Variants in UBE2K observed in about 807,000 individuals in gnomAD.
UBE2K encodes ubiquitin conjugating enzyme E2 K.
In UBE2K, 6 loss-of-function variants were observed where a neutral mutation model predicts 30.0. The observed-to-expected ratio is 0.20, with a 90% CI of 0.11 to 0.39. The LOEUF (loss-of-function observed/expected upper bound fraction) is 0.39. Among genes scored for constraint, UBE2K ranks in the 10% least tolerant of loss-of-function variants. The pLI, the probability that UBE2K is intolerant of heterozygous loss-of-function variation, is 1.00. For missense variants in UBE2K, 61 were observed against 241.6 expected (o/e 0.25, Z 4.96); for synonymous variants, 86 against 83.7 (o/e 1.03, Z -0.15).
At chr4:39,766,054 T>C (rs368064524) in intron 4 of UBE2K, among the ~76,000 whole-genome samples, 88 of 152,332 alleles carry the variant, frequency 5.8e-4, no homozygotes, top group African/African-American at 1.9e-3. Context: ...AATAATATTG[T>C]TATGAACATT....
chr4:39,732,189 G>A lies in UBE2K; in HGVS notation c.64-5231G>A, dbSNP rs78590966. The stretch of plus-strand genomic sequence containing the variant: ...TACTTTATTCGTTAAATTCACCAGC[G>A]AACCCTATGAGGAACTATCTTATCC... On this transcript the variant is annotated intron_variant, in intron 1 of 6. Transcript: ENST00000261427. Among the ~76,000 whole-genome samples the A allele has an allele frequency of 5.3e-3, 802 of 152,238 alleles. 4 individuals carry two copies. Among genetic ancestry groups the A allele is most frequent in the Middle Eastern group, 0.024 (7 of 294 alleles).
rs529891669 is a variant in UBE2K at position 39,706,312 on chromosome 4, G to T, written c.63+7922G>T. ...ATTACAGGTGTGAACCACCCTGTCC[G>T]GCCACAATACCCAGCTAATTTTTGT... On this transcript the variant is annotated intron_variant, in intron 1 of 6. Transcript: ENST00000261427. Among the ~76,000 whole-genome samples, 3 of 151,892 alleles carry T rather than the reference G, an allele frequency of 2.0e-5. No individual in the cohort carries two copies. In the South Asian group the frequency reaches 6.2e-4, roughly 32 times the overall value.
rs975558014 is a variant in UBE2K at position 39,771,390 on chromosome 4, C to T, written c.300-3444C>T. 5.0e-6 allele frequency: 8 copies of T among 1,611,890 alleles called. No homozygotes were observed. The Admixed American group carries it at 1.3e-4, about 27-fold the overall frequency. ...TGTTCATGTTCCGTAGCGTAGCGGCCTAGTGGCCGGGCAGCTGGAAGCGCA... is the reference window on the plus strand; with the variant it reads ...TGTTCATGTTCCGTAGCGTAGCGGCTTAGTGGCCGGGCAGCTGGAAGCGCA... On this transcript the variant is annotated intron_variant, in intron 4 of 6. Coordinates refer to ENST00000261427, the MANE Select transcript of UBE2K (RefSeq NM_005339.5).
At chr4:39,730,814 T>C (rs1160100804) in intron 1 of UBE2K, among the ~76,000 whole-genome samples, 4 of 142,826 alleles carry the variant, frequency 2.8e-5, no homozygotes, top group African/African-American at 5.1e-5. Context: ...TAGCTTCTTT[T>C]TTTTTTTTTT....
intron 1 of UBE2K, among the ~76,000 whole-genome samples, chr4:39,705,412 T>G (rs1016145329): frequency 4.0e-5 from 6 of 151,192 alleles, no homozygotes; most frequent in Non-Finnish European, 8.9e-5. Context: ...TTGGCCAGGC[T>G]GGTCTCGAAC....
intron 1 of UBE2K, among the ~76,000 whole-genome samples, chr4:39,711,307 C>T (rs531613937): frequency 4.6e-5 from 7 of 150,968 alleles, no homozygotes; most frequent in Non-Finnish European, 5.9e-5. Flanking sequence ...GGACTACAGG[C>T]GCCCGCCACC....
At chr4:39,765,938 T>TACATAC (rs1258930076) in intron 4 of UBE2K, among the ~76,000 whole-genome samples, 2 of 149,384 alleles carry the variant, frequency 1.3e-5, no homozygotes, top group African/African-American at 2.5e-5. Context: ...CATACATACA[T>TACATAC]ACACACACAC....
chr4:39,702,160 A>G (rs887091011), intron 1 of UBE2K, among the ~76,000 whole-genome samples: 2 of 150,784 alleles, frequency 1.3e-5, no homozygotes, highest in South Asian at 2.1e-4. Context: ...GTCTTATGCT[A>G]TATGGCACCT....
intron 1 of UBE2K, among the ~76,000 whole-genome samples, chr4:39,735,442 G>C (rs1340558188): frequency 6.6e-6 from 1 of 152,090 alleles, no homozygotes; most frequent in Non-Finnish European, 1.5e-5. Context: ...GTGCAGTGGC[G>C]TGATCTCGGC....
chr4:39,750,573 T>C (rs1721205017), intron 3 of UBE2K, among the ~76,000 whole-genome samples: 1 of 152,194 alleles, frequency 6.6e-6, no homozygotes, highest in Admixed American at 6.5e-5. Context: ...ATTATATTCT[T>C]AATAGATACA....
rs200755048 is a variant in UBE2K, at chr4:39,708,921, CTT to C, written c.63+10545_63+10546del. 7.6e-3 allele frequency among the ~76,000 whole-genome samples: 1,049 copies of C among 138,164 alleles called. 13 individuals are homozygous for C. Among genetic ancestry groups the C allele is most frequent in the African/African-American group, 0.026 (980 of 38,264 alleles). The allele number at this position is 138,164 out of a possible 152,430, so 90.6% of individuals were successfully genotyped here. A position where few individuals can be genotyped will look rare whatever the true frequency, so the allele number is the denominator to read the frequency against. ...GATAACAATGCAGTATTATTTGTGT[CTT>C]TTTTTTTTTTTTTCCTCTTAGTATG... On this transcript the variant is annotated intron_variant, in intron 1 of 6. Transcript: ENST00000261427.
chr4:39,714,546 A>ATTTTTTTTTTTTTTTTTTTT (rs879776892), intron 1 of UBE2K: 2 of 25,280 alleles, frequency 7.9e-5, no homozygotes, highest in East Asian at 2.3e-3. Flanking sequence ...ATATATATAT[A>ATTTTTTTTTTTTTTTTTTTT]TATATTTTTT....
intron 4 of UBE2K, among the ~76,000 whole-genome samples, chr4:39,764,879 G>T (rs1321621233): frequency 7.9e-6 from 1 of 126,444 alleles, no homozygotes; most frequent in Non-Finnish European, 1.6e-5. Flanking sequence ...GAATCTCTAA[G>T]AACTTATTAA....
intron 1 of UBE2K, 96 bp downstream of exon 1, chr4:39,698,486 C>A: frequency 8.3e-7 from 1 of 1,198,618 alleles, no homozygotes; most frequent in Non-Finnish European, 1.2e-6. Flanking sequence ...CCTGGGTGGT[C>A]CTCCTTGCGG....
intron 3 of UBE2K, among the ~76,000 whole-genome samples, chr4:39,752,118 G>T (rs1721288215): frequency 6.6e-6 from 1 of 152,104 alleles, no homozygotes. Flanking sequence ...ACCACATGGG[G>T]TTTTTTGTAT....
At chr4:39,749,367 T>C (rs1163780711) in intron 3 of UBE2K, among the ~76,000 whole-genome samples, 1 of 152,168 alleles carries the variant, frequency 6.6e-6, no homozygotes, top group Non-Finnish European at 1.5e-5. Context: ...TGTATCCTGC[T>C]TGAATAGAGC....
intron 4 of UBE2K, chr4:39,761,341 A>G (rs139550979): frequency 5.8e-4 from 88 of 152,322 alleles, no homozygotes; most frequent in African/African-American, 1.8e-3. Flanking sequence ...CATCCTCTTT[A>G]AGTAGCATTT....
intron 1 of UBE2K, among the ~76,000 whole-genome samples, chr4:39,702,205 CATTTT>C (rs1718053112): frequency 7.4e-6 from 1 of 135,514 alleles, no homozygotes; most frequent in African/African-American, 2.6e-5. Flanking sequence ...ACTTTGGTAA[CATTTT>C]CTTTTCTTTT....
chr4:39,740,168 T>G (rs1056723046), intron 2 of UBE2K, among the ~76,000 whole-genome samples: 14 of 152,096 alleles, frequency 9.2e-5, no homozygotes, highest in Non-Finnish European at 1.9e-4. Context: ...CTTATAGTTA[T>G]TCTTGAATTT....
Sources: allele counts gnomAD v4.1 joint callset (sites outside exome capture counted in the v4.1 genomes callset), GRCh38; gene constraint gnomAD v4.1.1; transcripts MANE v1.5; gene names NCBI Gene and HGNC (gene_info 2026-07-23, HGNC 2026-07-21).